NEDD4L: variants seen among roughly 807,000 people sequenced by gnomAD.
NEDD4L encodes the protein NEDD4 like E3 ubiquitin protein ligase.
A neutral mutation model predicts 148.9 loss-of-function variants in NEDD4L; 54 were observed. The ratio of observed to expected loss-of-function variants is 0.36; its 90% CI spans 0.29 to 0.45. NEDD4L has a LOEUF of 0.45. NEDD4L is among the 20% of genes least tolerant of loss of function. The pLI, the probability that NEDD4L is intolerant of heterozygous loss-of-function variation, is 1.00. For missense variants in NEDD4L, 856 were observed against 1,233.8 expected (o/e 0.69, Z 4.59); for synonymous variants, 433 against 440.7 (o/e 0.98, Z 0.22).
At position 58,388,962 on chromosome 18, in the gene NEDD4L, T is replaced by C. The variant is rs749763590; in HGVS notation, c.2548-123T>C. 6.7e-5 allele frequency: 50 copies of C among 751,756 alleles called. No individual in the cohort carries two copies. In the Admixed American group the frequency reaches 7.7e-4, roughly 12 times the overall value. 46.6% of individuals were successfully genotyped at this position (751,756 alleles called of 1,614,324 possible). ...AGGTGTCTGCCTTCCTCTGTTGTTA[T>C]GATTTGCTAGCTTACCTTCGCGGCA... On this transcript the variant is annotated intron_variant, in intron 27 of 30. Coordinates refer to ENST00000400345, the MANE Select transcript of NEDD4L (RefSeq NM_001144967.3).
chr18:58,111,416 C>G (rs2085412564), intron 1 of NEDD4L, among the ~76,000 whole-genome samples: 1 of 152,158 alleles, frequency 6.6e-6, no homozygotes, highest in South Asian at 2.1e-4. Flanking sequence ...ACGATATAAC[C>G]ATCACCCCCC....
chr18:58,062,209 T>C (rs1278486946), intron 1 of NEDD4L, among the ~76,000 whole-genome samples: 2 of 152,294 alleles, frequency 1.3e-5, no homozygotes, highest in East Asian at 3.9e-4. Flanking sequence ...TCTTATTTTT[T>C]GCTTGATCAC....
intron 1 of NEDD4L, among the ~76,000 whole-genome samples, chr18:58,086,819 A>G (rs576621206): frequency 6.6e-6 from 1 of 152,372 alleles, no homozygotes; most frequent in African/African-American, 2.4e-5. Flanking sequence ...TATGAAAACA[A>G]TAAGCATTCA....
chr18:58,382,112 A>G (rs1235238850), intron 24 of NEDD4L, among the ~76,000 whole-genome samples: 1 of 152,206 alleles, frequency 6.6e-6, no homozygotes, highest in Non-Finnish European at 1.5e-5. Flanking sequence ...ATGTCGAGGG[A>G]CCGGATGGAT....
chr18:58,070,684 G>T (rs1483384079), intron 1 of NEDD4L, among the ~76,000 whole-genome samples: 1 of 151,974 alleles, frequency 6.6e-6, no homozygotes, highest in Admixed American at 6.6e-5. Flanking sequence ...TTGAAGGCAT[G>T]CCCCAATACC....
At chr18:58,077,446 T>A (rs1381827304) in intron 1 of NEDD4L, among the ~76,000 whole-genome samples, 1 of 152,200 alleles carries the variant, frequency 6.6e-6, no homozygotes, top group African/African-American at 2.4e-5. Flanking sequence ...GAATCTCTTT[T>A]TTTGGAATAC....
chr18:58,387,253 G>A lies in NEDD4L; in HGVS notation c.2488-186G>A, dbSNP rs1893750. Among the ~76,000 whole-genome samples, 2,703 of 152,168 alleles carry A rather than the reference G, an allele frequency of 0.018. 76 individuals are homozygous for A. Among genetic ancestry groups the A allele is most frequent in the African/African-American group, 0.061 (2,539 of 41,498 alleles). Reference sequence around the variant, plus strand: ...AATCTTCTAGATTCTATGCTTTTTCGAAACTGTTATATTGTGACTGTGCTG... The same window carrying A: ...AATCTTCTAGATTCTATGCTTTTTCAAAACTGTTATATTGTGACTGTGCTG... On this transcript the variant is annotated intron_variant, in intron 26 of 30. Coordinates refer to ENST00000400345, the MANE Select transcript of NEDD4L (RefSeq NM_001144967.3).
chr18:58,229,465 G>T (rs572779817), intron 2 of NEDD4L, among the ~76,000 whole-genome samples: 1 of 152,124 alleles, frequency 6.6e-6, no homozygotes, highest in South Asian at 2.1e-4. Context: ...TAACCTAGCT[G>T]GGGGGGAGCT....
At chr18:58,195,659 A>G (rs1217429544) in intron 2 of NEDD4L, 1 of 1,351,844 alleles carries the variant, frequency 7.4e-7, no homozygotes, top group South Asian at 1.1e-5. Flanking sequence ...TGTTAGGGGA[A>G]ACAGACCATC....
intron 8 of NEDD4L, among the ~76,000 whole-genome samples, chr18:58,324,160 T>C (rs2059101533): frequency 6.6e-6 from 1 of 152,224 alleles, no homozygotes; most frequent in Non-Finnish European, 1.5e-5. Flanking sequence ...TTTATGAATG[T>C]TAACATTTCA....
chr18:58,276,692 TAA>T (rs2052088947), intron 5 of NEDD4L, among the ~76,000 whole-genome samples: 4 of 87,758 alleles, frequency 4.6e-5, no homozygotes, highest in African/African-American at 1.8e-4. Context: ...ATAATAATAA[TAA>T]TATTATTATT....
rs796194260 is a variant in NEDD4L, at chr18:58,115,241, CTTTCTTTTTT to C, written c.49-50543_49-50534del. Among the ~76,000 whole-genome samples the C allele has an allele frequency of 4.5e-4, 60 of 132,656 alleles. 2 individuals carry two copies. Among genetic ancestry groups the C allele is most frequent in the African/African-American group, 1.8e-3 (57 of 32,374 alleles). 87.0% of individuals were successfully genotyped at this position (132,656 alleles called of 152,430 possible). ...TCATTCTTTTTTCTTTTCTTTCTTT[CTTTCTTTTTT>C]TTTTTTTTTTCTGGTTCTGGGCCCA... On this transcript the variant is annotated intron_variant, in intron 1 of 30. Transcript: ENST00000400345.
Position 58,333,859 on chromosome 18 carries a change from C to T in NEDD4L, c.1032C>T (p.Thr344=), listed in dbSNP as rs781468886. The part of the protein sequence containing the change: ...PSSRLRSCSV[T]DAVAEQGHLP... ...CAAGGTTGAGGTCATGCAGTGTCAC[C>T]GACGCAGTTGCAGAACAGGGCCATC... The change falls in exon 12 of 31, where the codon ACC becomes ACT. Residue 344 remains threonine, a synonymous_variant. Transcript: ENST00000400345. The T allele has an allele frequency of 6.2e-6, 10 of 1,613,614 alleles. No homozygotes were observed. The highest frequency in any genetic ancestry group is 2.7e-5 in the African/African-American group (2 of 74,882).
chr18:58,339,510 C>T (rs1257813269), intron 13 of NEDD4L, among the ~76,000 whole-genome samples: 1 of 152,126 alleles, frequency 6.6e-6, no homozygotes, highest in Non-Finnish European at 1.5e-5. Context: ...CCTGCTGAGT[C>T]TCCACACCTG....
intron 5 of NEDD4L, among the ~76,000 whole-genome samples, chr18:58,300,004 T>C (rs2056244825): frequency 6.6e-6 from 1 of 152,244 alleles, no homozygotes; most frequent in African/African-American, 2.4e-5. Context: ...TTGGAGGTTT[T>C]ACTTTGAAAA....
intron 13 of NEDD4L, among the ~76,000 whole-genome samples, chr18:58,339,034 C>A (rs115478042): frequency 1.3e-5 from 2 of 152,210 alleles, no homozygotes; most frequent in East Asian, 3.9e-4. Context: ...CCCAAGTGTC[C>A]TTTCCAGAGA....
chr18:58,160,893 TAAAGG>T (rs1425657138), intron 1 of NEDD4L, among the ~76,000 whole-genome samples: 1 of 152,228 alleles, frequency 6.6e-6, no homozygotes, highest in Non-Finnish European at 1.5e-5. Flanking sequence ...AATTGCTCAG[TAAAGG>T]TCACCTCCCA....
intron 2 of NEDD4L, among the ~76,000 whole-genome samples, chr18:58,200,893 G>A (rs1185142915): frequency 6.6e-6 from 1 of 152,216 alleles, no homozygotes; most frequent in Non-Finnish European, 1.5e-5. Context: ...GTAGGAGTCA[G>A]GTGTGGCCCC....
rs888370470 is a variant in NEDD4L, at chr18:58,153,791, C to T, written c.49-11997C>T. On this transcript the variant is annotated intron_variant, in intron 1 of 30. Transcript: ENST00000400345. ...CCTCCTGAGTAGCTGGGAGTACAGG[C>T]GCCCGCCACCACGCCTGGCAAGTTT... Among the ~76,000 whole-genome samples, 12 of 152,000 alleles carry T rather than the reference C, an allele frequency of 7.9e-5. No individual in the cohort carries two copies. The East Asian group carries it at 1.4e-3, about 17-fold the overall frequency.
Sources: gnomAD v4.1 joint callset for allele counts (sites outside exome capture counted in the v4.1 genomes callset) on GRCh38, gnomAD v4.1.1 for gene constraint, MANE v1.5 for transcripts, NCBI Gene and HGNC (gene_info 2026-07-23, HGNC 2026-07-21) for gene names.